The following TENM2 variants were observed in gnomAD, a reference collection of about 807,000 sequenced individuals.
TENM2 encodes teneurin-2.
TENM2 carries 52 observed loss-of-function variants against 245.2 expected under a neutral mutation model. The ratio of observed to expected loss-of-function variants is 0.21; its 90% CI spans 0.17 to 0.27. The LOEUF is 0.27. TENM2 is among the 10% of genes least tolerant of loss of function. The pLI, the probability that TENM2 is intolerant of heterozygous loss-of-function variation, is 1.00. For synonymous variants in TENM2, 1,363 were observed against 1,438.9 expected (o/e 0.95, Z 1.19); for missense variants, 3,046 against 3,666.8 (o/e 0.83, Z 4.37).
chr5:168,033,615 T>C (rs900080200), intron 5 of TENM2, among the ~76,000 whole-genome samples: 2 of 152,168 alleles, frequency 1.3e-5, no homozygotes, highest in Admixed American at 1.3e-4. Context: ...TTCATTCAAA[T>C]AAATAGTTCT....
chr5:168,028,082 G>A (rs1159111683), intron 5 of TENM2, among the ~76,000 whole-genome samples: 1 of 152,220 alleles, frequency 6.6e-6, no homozygotes, highest in Non-Finnish European at 1.5e-5. Flanking sequence ...ATTCTAGAGA[G>A]GAGCAGACCT....
chr5:167,731,721 A>ATT (rs1760454479), intron 2 of TENM2, among the ~76,000 whole-genome samples: 1 of 134,638 alleles, frequency 7.4e-6, no homozygotes. Flanking sequence ...TTTTTGAAAT[A>ATT]TTTAAGGCTA....
the TENM2 span, among the ~76,000 whole-genome samples, chr5:167,117,105 C>A: frequency 6.6e-6 from 1 of 152,258 alleles, no homozygotes; most frequent in Admixed American, 6.5e-5. Context: ...ATACCTAAGG[C>A]CTTGCAAAAG....
At position 167,433,163 on chromosome 5, in the gene TENM2, T is replaced by C. The variant is rs374806301; in HGVS notation, c.502+57690T>C. On this transcript the variant is annotated intron_variant, in intron 2 of 28. Transcript: ENST00000518659. Reference sequence around the variant, plus strand: ...CACATGCATTTCTGTATTTTTTCCTTAACAAAGTTTATTAACAGCAGGTAA... The same window carrying C: ...CACATGCATTTCTGTATTTTTTCCTCAACAAAGTTTATTAACAGCAGGTAA... Among the ~76,000 whole-genome samples the C allele has an allele frequency of 2.6e-5, 4 of 152,234 alleles. No homozygotes were observed. The East Asian group carries it at 7.7e-4, about 29-fold the overall frequency.
chr5:168,186,420 A>G (rs1172250602), intron 13 of TENM2: 2 of 152,200 alleles, frequency 1.3e-5, no homozygotes, highest in Non-Finnish European at 2.9e-5. Context: ...TATGACGTGT[A>G]TGAGTAGACT....
chr5:167,400,251 G>A (rs1300490994), intron 2 of TENM2, among the ~76,000 whole-genome samples: 1 of 152,120 alleles, frequency 6.6e-6, no homozygotes, highest in Admixed American at 6.6e-5. Context: ...GGCAATGAGA[G>A]TGATGGGAAG....
intron 2 of TENM2, among the ~76,000 whole-genome samples, chr5:167,501,631 C>T (rs1222556356): frequency 6.6e-6 from 1 of 152,058 alleles, no homozygotes; most frequent in African/African-American, 2.4e-5. Flanking sequence ...TTCACATTAC[C>T]CACTGAACCA....
At chr5:167,176,163 T>G in the TENM2 span, among the ~76,000 whole-genome samples, 2 of 152,246 alleles carry the variant, frequency 1.3e-5, no homozygotes, top group South Asian at 2.1e-4. Flanking sequence ...CTTTCTCCTA[T>G]TCTTTCAAGC....
At chr5:167,381,226 G>A (rs1326090268) in intron 2 of TENM2, among the ~76,000 whole-genome samples, 1 of 152,098 alleles carries the variant, frequency 6.6e-6, no homozygotes. Flanking sequence ...TGGCCATTAT[G>A]TATATAGGCT....
intron 5 of TENM2, among the ~76,000 whole-genome samples, chr5:168,004,358 G>A (rs58243181): frequency 0.2 from 29,791 of 152,032 alleles, 3,810 homozygotes; most frequent in African/African-American, 0.36. Context: ...GCCTGCACTT[G>A]GGAGAGTCTC....
intron 2 of TENM2, among the ~76,000 whole-genome samples, chr5:167,773,160 T>C (rs1763514301): frequency 6.6e-6 from 1 of 152,202 alleles, no homozygotes; most frequent in Admixed American, 6.5e-5. Flanking sequence ...GTTTGAGAAA[T>C]ATGGTTAGAC....
intron 4 of TENM2, among the ~76,000 whole-genome samples, chr5:167,975,299 C>T (rs140832086): frequency 6.6e-6 from 1 of 152,244 alleles, no homozygotes; most frequent in East Asian, 1.9e-4. Context: ...ATTTAAGAAA[C>T]TAGGAAGCTT....
chr5:167,940,897 C>A (rs550797557), intron 3 of TENM2, among the ~76,000 whole-genome samples: 5 of 152,280 alleles, frequency 3.3e-5, no homozygotes, highest in South Asian at 4.1e-4. Flanking sequence ...TATCGAGAAG[C>A]CTTTCCAGAC....
At chr5:167,262,035 CA>C in the TENM2 span, among the ~76,000 whole-genome samples, 1 of 152,136 alleles carries the variant, frequency 6.6e-6, no homozygotes, top group Non-Finnish European at 1.5e-5. Flanking sequence ...CTAAATTCAA[CA>C]TGTGTTTATA....
chr5:167,933,616 G>A (rs1778457199), intron 3 of TENM2, among the ~76,000 whole-genome samples: 1 of 152,010 alleles, frequency 6.6e-6, no homozygotes, highest in African/African-American at 2.4e-5. Context: ...AGTGAGTTGG[G>A]TTTGTCTGGG....
intron 2 of TENM2, among the ~76,000 whole-genome samples, chr5:167,711,344 G>A (rs1387332318): frequency 6.6e-6 from 1 of 152,190 alleles, no homozygotes; most frequent in Non-Finnish European, 1.5e-5. Flanking sequence ...GATAGTAAGT[G>A]CAGAAAAACT....
chr5:167,384,850 G>A (rs1761324041), intron 2 of TENM2, among the ~76,000 whole-genome samples: 1 of 152,156 alleles, frequency 6.6e-6, no homozygotes. Flanking sequence ...CATTTCAGTA[G>A]CAGAAATTAA....
intron 25 of TENM2, among the ~76,000 whole-genome samples, chr5:168,240,700 C>A (rs1268171065): frequency 2.7e-5 from 4 of 150,760 alleles, no homozygotes; most frequent in East Asian, 1.9e-4. Flanking sequence ...TGCACTAGGG[C>A]CCTATGATAT....
the TENM2 span, among the ~76,000 whole-genome samples, chr5:167,161,498 G>A: frequency 1.3e-5 from 2 of 152,146 alleles, no homozygotes; most frequent in South Asian, 2.1e-4. Flanking sequence ...TAAACAGACT[G>A]TAATGTAAGT....
Sources: gnomAD v4.1 joint callset for allele counts (sites outside exome capture counted in the v4.1 genomes callset) on GRCh38, gnomAD v4.1.1 for gene constraint, MANE v1.5 for transcripts, NCBI Gene and HGNC (gene_info 2026-07-23, HGNC 2026-07-21) for gene names.